Variants in ZNF83 observed in about 807,000 individuals in gnomAD.
The protein encoded by ZNF83 is zinc finger protein 816B.
For missense variants in ZNF83, 552 were observed against 629.9 expected, an observed-to-expected ratio of 0.88 and a Z score of 1.32; for synonymous variants, 209 against 213.0, an observed-to-expected ratio of 0.98 and a Z score of 0.17.
intron 3 of ZNF83, among the ~76,000 whole-genome samples, chr19:52,646,602 AAAG>A (rs1339375408): frequency 1.3e-5 from 2 of 152,322 alleles, no homozygotes; most frequent in African/African-American, 4.8e-5. Context: ...GGCAGAAATT[AAAG>A]AAGAAAGCAA....
chr19:52,652,931 C>T, intron 3 of ZNF83: 1 of 1,196,264 alleles, frequency 8.4e-7, no homozygotes, highest in South Asian at 1.2e-5. Flanking sequence ...TAATGGTATA[C>T]AAAGGATGAC....
At position 52,613,979 on chromosome 19, in the gene ZNF83, G is replaced by A. The variant is rs748239807; in HGVS notation, c.586C>T (p.Gln196Ter). Residue 196 changes from glutamine to a stop codon, truncating the protein, a stop_gained, in exon 3 of 3, where the codon CAA (glutamine) becomes TAA (stop). Transcript: ENST00000301096. LOFTEE classifies it low-confidence loss of function (END_TRUNC). ...GGTTTCTCTCCGGTATGAATTCTTT[G>A]ATGTTGTGCAAGGTGTGAAATTTGA... The A allele has an allele frequency of 6.2e-6, 10 of 1,613,510 alleles. No individual in the cohort carries two copies. Among genetic ancestry groups the A allele is most frequent in the Non-Finnish European group, 8.5e-6 (10 of 1,179,756 alleles).
intron 2 of ZNF83, among the ~76,000 whole-genome samples, chr19:52,658,751 C>T (rs12461153): frequency 0.68 from 103,813 of 151,914 alleles, 35,671 homozygotes; most frequent in Admixed American, 0.77. Flanking sequence ...CCCAGTTAAG[C>T]CTGTTTACCC....
chr19:52,661,468 T>C (rs1310348022), intron 1 of ZNF83, among the ~76,000 whole-genome samples: 2 of 152,230 alleles, frequency 1.3e-5, no homozygotes, highest in African/African-American at 2.4e-5. Context: ...CTGACCTCAG[T>C]TCTCAATATG....
In ZNF83 at chr19:52,680,606, A is replaced by ATTTTTT. The variant is rs556558292; in HGVS notation, c.-283+9831_-283+9836dup. 6.2e-4 allele frequency among the ~76,000 whole-genome samples: 55 copies of ATTTTTT among 88,938 alleles called. 1 individual carries two copies. Among genetic ancestry groups the ATTTTTT allele is most frequent in the African/African-American group, 2.1e-3 (45 of 21,884 alleles). The allele number at this position is 88,938 out of a possible 152,430, so 58.3% of individuals were successfully genotyped here. A position where few individuals can be genotyped will look rare whatever the true frequency, so the allele number is the denominator to read the frequency against. ...GTTTTATTGTACTTTTCCACAAAAT[A>ATTTTTT]TTTTTTTTTTTTTTTTTTTTTTTTG... On this transcript the variant is annotated intron_variant, in intron 1 of 5. Transcript: ENST00000594682.
chr19:52,630,809 G>A (rs796124935), intron 2 of ZNF83, among the ~76,000 whole-genome samples: 2 of 151,910 alleles, frequency 1.3e-5, no homozygotes, highest in South Asian at 4.2e-4. Flanking sequence ...GTTATCACTC[G>A]CCTGTTACAG....
intron 3 of ZNF83, among the ~76,000 whole-genome samples, chr19:52,645,029 A>G (rs2061354726): frequency 6.6e-6 from 1 of 151,748 alleles, no homozygotes. Context: ...AAAAAAAAAA[A>G]AAGGGGGTGC....
chr19:52,614,374 T>C (rs2060232960), exon 3 of ZNF83: 2 of 1,612,978 alleles, frequency 1.2e-6, no homozygotes, highest in Non-Finnish European at 1.7e-6. Context: ...AATGTGGGTT[T>C]TGACAGTAGA....
intron 2 of ZNF83, among the ~76,000 whole-genome samples, chr19:52,623,757 C>T (rs958405974): frequency 6.6e-6 from 1 of 152,100 alleles, no homozygotes; most frequent in Non-Finnish European, 1.5e-5. Context: ...GGGATTAAAG[C>T]CTGTTATCAC....
intron 2 of ZNF83, among the ~76,000 whole-genome samples, chr19:52,657,597 C>T (rs1187840335): frequency 2.0e-5 from 3 of 152,200 alleles, no homozygotes; most frequent in East Asian, 1.9e-4. Flanking sequence ...CCTGTAATCC[C>T]AGCACTTTGG....
At chr19:52,668,293 C>T (rs117807243) in intron 1 of ZNF83, among the ~76,000 whole-genome samples, 1 of 152,264 alleles carries the variant, frequency 6.6e-6, no homozygotes, top group East Asian at 1.9e-4. Flanking sequence ...ACACATCACA[C>T]CTGAGTCAAG....
At chr19:52,642,595 T>G (rs1362393409), upstream of ZNF83, among the ~76,000 whole-genome samples, 1 of 152,162 alleles carries the variant, frequency 6.6e-6, no homozygotes, top group Non-Finnish European at 1.5e-5. Context: ...TCTGACACAG[T>G]TCCCAGCTTG....
At chr19:52,633,617 AT>A (rs1218374858) in intron 2 of ZNF83, among the ~76,000 whole-genome samples, 7 of 152,230 alleles carry the variant, frequency 4.6e-5, no homozygotes, top group South Asian at 4.1e-4. Flanking sequence ...CACAAAACAA[AT>A]ATATTCATTG....
intron 3 of ZNF83, chr19:52,654,511 T>G (rs2061481928): frequency 4.2e-6 from 2 of 480,704 alleles, no homozygotes; most frequent in South Asian, 1.3e-4. Context: ...ATTTTAAAAT[T>G]CCCAAATATG....
intron 1 of ZNF83, among the ~76,000 whole-genome samples, chr19:52,682,318 A>G (rs969310632): frequency 1.3e-5 from 2 of 152,190 alleles, no homozygotes; most frequent in Non-Finnish European, 2.9e-5. Flanking sequence ...TCAGTAGATC[A>G]AGGCTATAGT....
intron 1 of ZNF83, among the ~76,000 whole-genome samples, chr19:52,679,586 G>T (rs1600269986): frequency 6.6e-6 from 1 of 152,178 alleles, no homozygotes; most frequent in Non-Finnish European, 1.5e-5. Flanking sequence ...ACTCCAGCAT[G>T]GGTGACAGAG....
chr19:52,655,258 C>T (rs371202364), intron 3 of ZNF83: 3 of 303,300 alleles, frequency 9.9e-6, no homozygotes, highest in African/African-American at 6.6e-5. Flanking sequence ...CTTTCTAGCT[C>T]ATCTCCTGGG....
chr19:52,637,044 CTTTTT>C (rs2061171939), intron 1 of ZNF83: 1 of 152,252 alleles, frequency 6.6e-6, no homozygotes, highest in South Asian at 2.1e-4. Context: ...GTTTTCTTTT[CTTTTT>C]ACCTGGCATT....
intron 3 of ZNF83, among the ~76,000 whole-genome samples, chr19:52,645,705 G>A (rs1005787580): frequency 1.3e-5 from 2 of 151,754 alleles, no homozygotes; most frequent in African/African-American, 4.8e-5. Flanking sequence ...TACTCAGGAG[G>A]TTGAGGCAAA....
Sources: allele counts gnomAD v4.1 joint callset (sites outside exome capture counted in the v4.1 genomes callset), GRCh38; gene constraint gnomAD v4.1.1; transcripts MANE v1.5; gene names NCBI Gene and HGNC (gene_info 2026-07-23, HGNC 2026-07-21).